LILRB4: variants seen among roughly 807,000 people sequenced by gnomAD.
LILRB4 encodes the protein leukocyte immunoglobulin-like receptor subfamily B member 4.
Under a neutral mutation model 55.2 loss-of-function variants are expected in LILRB4, and 49 were observed. The ratio of observed to expected loss-of-function variants is 0.89; its 90% confidence interval spans 0.71 to 1.13. The LOEUF is 1.13. Among genes scored for constraint, LILRB4 ranks in the 50% most tolerant of loss-of-function variants. The pLI, the probability that LILRB4 is intolerant of heterozygous loss-of-function variation, is 0.00. For missense variants in LILRB4, 590 were observed against 555.2 expected, an observed-to-expected ratio of 1.06 and a Z score of -0.63; for synonymous variants, 229 against 213.8, an observed-to-expected ratio of 1.07 and a Z score of -0.62.
At chr19:54,663,228 C>T (rs540036931) in intron 1 of LILRB4, among the ~76,000 whole-genome samples, 161 bp downstream of exon 1, 1 of 151,836 alleles carries the variant, frequency 6.6e-6, no homozygotes, top group Non-Finnish European at 1.5e-5. Context: ...GGGCGGATCA[C>T]GAGGTCAGGA....
At position 54,666,399 on chromosome 19, in the gene LILRB4, G is replaced by A. The variant is rs528290465; in HGVS notation, c.951G>A (p.Arg317=). The change falls in exon 9 of 12, where the codon AGG becomes AGA. Residue 317 remains arginine, a splice_region_variant and synonymous_variant. Coordinates refer to ENST00000430952, the Ensembl canonical transcript of LILRB4. The surrounding 1 kb of genome is among the most constrained non-coding windows in gnomAD (Gnocchi z 4.8). ...CTTACACTCCCGTATCCTCCCCCAG[G>A]TCCAGCCCAGCTGCTGACGTCCAGG... 6.2e-7 allele frequency: 1 copy of A among 1,614,080 alleles called. No individual in the cohort carries two copies. The highest frequency in any genetic ancestry group is 2.2e-5 in the East Asian group (1 of 44,872).
chr19:54,668,071 G>T (rs188883305), exon 12 of LILRB4: 3 of 1,606,624 alleles, frequency 1.9e-6, no homozygotes, highest in Non-Finnish European at 2.6e-6. Context: ...ACCCCAGAAG[G>T]CATGGAAGCT....
At position 54,665,812 on chromosome 19, in the gene LILRB4, A is replaced by G; in HGVS notation, c.758-3A>G. The G allele has an allele frequency of 5.0e-6, 8 of 1,600,692 alleles. No individual in the cohort carries two copies. Among genetic ancestry groups the G allele is most frequent in the Non-Finnish European group, 6.8e-6 (8 of 1,173,996 alleles). On this transcript the variant is annotated splice_polypyrimidine_tract_variant and splice_region_variant and intron_variant, in intron 6 of 11. Coordinates refer to ENST00000430952, the Ensembl canonical transcript of LILRB4. This position sits in a 1 kb window ranked among gnomAD's most constrained non-coding sequence, Gnocchi z 5.5. ...CCCCATTCCTGATGTCATCACGCCC[A>G]AGGTCTGAGAAGGCACTGGGAGGTA...
At chr19:54,663,617 G>A (rs1263057728) in intron 2 of LILRB4, 50 bp downstream of exon 2, 9 of 1,612,766 alleles carry the variant, frequency 5.6e-6, no homozygotes, top group Non-Finnish European at 7.6e-6. Flanking sequence ...CTGGGACAAG[G>A]GGCCACCCAT....
Position 54,666,896 on chromosome 19 carries a change from A to G in LILRB4, c.1041+147A>G, listed in dbSNP as rs987159335. 3.5e-6 allele frequency: 3 copies of G among 854,076 alleles called. No individual in the cohort carries two copies. Among genetic ancestry groups the G allele is most frequent in the Non-Finnish European group, 6.1e-6 (3 of 489,978 alleles). 52.9% of individuals were successfully genotyped at this position (854,076 alleles called of 1,614,324 possible). A position where few individuals can be genotyped will look rare whatever the true frequency, so the allele number is the denominator to read the frequency against. ...AGCACGCTGCCTCCTGCCTGCTGGG[A>G]CCTCACTCTCTCCTGCTGTCCTGGG... is the stretch of plus-strand genomic sequence containing the variant. On this transcript the variant is annotated intron_variant, in intron 10 of 11. Transcript: ENST00000430952. This position sits in a 1 kb window ranked among gnomAD's most constrained non-coding sequence, Gnocchi z 4.8.
rs370025145 is a variant in LILRB4, at chr19:54,665,938, A to T, written c.874+7A>T. ...GGAAAACACAGGACATTGGGTAAGT[A>T]GGAAATTGGGGGACCCGTGGGCTGA... is the stretch of plus-strand genomic sequence containing the variant. On this transcript the variant is annotated splice_region_variant and intron_variant, in intron 7 of 11. Transcript: ENST00000430952. This position sits in a 1 kb window ranked among gnomAD's most constrained non-coding sequence, Gnocchi z 5.5. 6.2e-6 allele frequency: 10 copies of T among 1,613,830 alleles called. No individual in the cohort carries two copies. The highest frequency in any genetic ancestry group is 1.3e-5 in the African/African-American group (1 of 74,840).
At chr19:54,664,953 G>T in intron 5 of LILRB4, 104 bp downstream of exon 5, 1 of 1,384,830 alleles carries the variant, frequency 7.2e-7, no homozygotes, top group African/African-American at 1.4e-5. Context: ...AGCTGGGCTT[G>T]CTTCCACGGG....
chr19:54,664,122 C>G, intron 3 of LILRB4, 64 bp from the exon 4 acceptor site: 1 of 1,595,254 alleles, frequency 6.3e-7, no homozygotes, highest in Middle Eastern at 1.7e-4. Flanking sequence ...CTCTCACAGC[C>G]CAGCCCTGGG....
chr19:54,666,579 A>T lies in LILRB4; in HGVS notation c.989-118A>T. The stretch of plus-strand genomic sequence containing the variant: ...GAACCCACATTGTGGGACCTCGGGG[A>T]CATCACAGCCCCTCCCTGCGTTGCA... On this transcript the variant is annotated intron_variant, in intron 9 of 11. Coordinates refer to ENST00000430952, the Ensembl canonical transcript of LILRB4. This position sits in a 1 kb window ranked among gnomAD's most constrained non-coding sequence, Gnocchi z 4.8. 1 of 1,417,692 alleles carries T rather than the reference A, an allele frequency of 7.1e-7. No homozygotes were observed. Among genetic ancestry groups the T allele is most frequent in the Non-Finnish European group, 9.8e-7 (1 of 1,015,664 alleles). The allele number at this position is 1,417,692 out of a possible 1,614,324, so 87.8% of individuals were successfully genotyped here.
rs1171363900 is a variant in LILRB4 at position 54,665,957 on chromosome 19, G to T, written c.874+26G>T. On this transcript the variant is annotated intron_variant, in intron 7 of 11. Transcript: ENST00000430952. This position sits in a 1 kb window ranked among gnomAD's most constrained non-coding sequence, Gnocchi z 5.5. ...GTAAGTAGGAAATTGGGGGACCCGT[G>T]GGCTGATGGAGGGTGGGCTCAGGGC... 5.6e-6 allele frequency: 9 copies of T among 1,613,602 alleles called. No homozygotes were observed. Among genetic ancestry groups the T allele is most frequent in the Non-Finnish European group, 7.6e-6 (9 of 1,179,858 alleles).
In LILRB4 at chr19:54,668,074, T is replaced by C; in HGVS notation, c.*55T>C. 2.5e-6 allele frequency: 4 copies of C among 1,603,916 alleles called. No homozygotes were observed. In the South Asian group the frequency reaches 4.4e-5, roughly 18 times the overall value. ...TGGAGACTCAGGACCCCAGAAGGCA[T>C]GGAAGCTGCCTCCAGTAGACATCAC... On this transcript the variant is annotated 3_prime_UTR_variant, in exon 12 of 12. Transcript: ENST00000430952.
At chr19:54,663,967 G>C in exon 3 of LILRB4, 1 of 1,614,086 alleles carries the variant, frequency 6.2e-7, no homozygotes, top group Non-Finnish European at 8.5e-7. Context: ...TATGCAGGGA[G>C]ATACCGCTGT....
Position 54,668,141 on chromosome 19 carries a change from A to G in LILRB4, c.*122A>G, listed in dbSNP as rs543144415. The G allele has an allele frequency of 1.1e-4, 124 of 1,141,266 alleles. 2 individuals are homozygous for G. The South Asian group carries it at 1.7e-3, about 15-fold the overall frequency. The allele number at this position is 1,141,266 out of a possible 1,614,324, so 70.7% of individuals were successfully genotyped here. A position where few individuals can be genotyped will look rare whatever the true frequency, so the allele number is the denominator to read the frequency against. ...CAGACCCCTGACACAGACCACTAGA[A>G]GATTCCGGGAACGTTGGGAGTCACC... On this transcript the variant is annotated 3_prime_UTR_variant, in exon 12 of 12. Transcript: ENST00000430952.
At chr19:54,664,188 G>T (rs766230890) in exon 4 of LILRB4, 2 of 1,612,234 alleles carry the variant, frequency 1.2e-6, no homozygotes, top group Admixed American at 1.7e-5. Flanking sequence ...TCTCCTAGGA[G>T]CCTACAGTAA....
chr19:54,663,963 G>T, exon 3 of LILRB4: 1 of 1,614,136 alleles, frequency 6.2e-7, no homozygotes, highest in Non-Finnish European at 8.5e-7. Context: ...GGACTATGCA[G>T]GGAGATACCG....
chr19:54,665,110 A>T lies in LILRB4; in HGVS notation c.707-20A>T. 1 of 1,610,604 alleles carries T rather than the reference A, an allele frequency of 6.2e-7. No homozygotes were observed. Among genetic ancestry groups the T allele is most frequent in the Non-Finnish European group, 8.5e-7 (1 of 1,178,292 alleles). On this transcript the variant is annotated intron_variant, in intron 5 of 11. Coordinates refer to ENST00000430952, the Ensembl canonical transcript of LILRB4. This position sits in a 1 kb window ranked among gnomAD's most constrained non-coding sequence, Gnocchi z 5.5. Reference sequence around the variant, plus strand: ...GGGGAGCAGGGCAGCCCCAGCCCTCACATCCCTGTTCTAACCCAGCAGGCC... The same window carrying T: ...GGGGAGCAGGGCAGCCCCAGCCCTCTCATCCCTGTTCTAACCCAGCAGGCC...
chr19:54,668,015 A>G, exon 12 of LILRB4: 1 of 1,614,098 alleles, frequency 6.2e-7, no homozygotes, highest in South Asian at 1.1e-5. Flanking sequence ...CTGGCCATCC[A>G]CTAATCCAGG....
At chr19:54,664,883 C>T in intron 5 of LILRB4, 34 bp downstream of exon 5, 1 of 1,595,602 alleles carries the variant, frequency 6.3e-7, no homozygotes. Flanking sequence ...AGAGAGTTTC[C>T]AAAGCCCGAG....
chr19:54,666,954 G>C lies in LILRB4; in HGVS notation c.1041+205G>C. 1 of 724,086 alleles carries C rather than the reference G, an allele frequency of 1.4e-6. No homozygotes were observed. The highest frequency in any genetic ancestry group is 2.6e-6 in the Non-Finnish European group (1 of 390,698). 44.9% of individuals were successfully genotyped at this position (724,086 alleles called of 1,614,324 possible). ...GGGCCTCCTCCCGGGTCCCCTTCCTGCTCCTCATCCTCTGTTTGGCCATCT... is the reference window on the plus strand; with the variant it reads ...GGGCCTCCTCCCGGGTCCCCTTCCTCCTCCTCATCCTCTGTTTGGCCATCT... On this transcript the variant is annotated intron_variant, in intron 10 of 11. Coordinates refer to ENST00000430952, the Ensembl canonical transcript of LILRB4. The surrounding 1 kb of genome is among the most constrained non-coding windows in gnomAD (Gnocchi z 4.8).
Sources: gnomAD v4.1 joint callset for allele counts (sites outside exome capture counted in the v4.1 genomes callset) on GRCh38, gnomAD v4.1.1 for gene constraint, Gnocchi (gnomAD v3.1) non-coding constraint, MANE v1.5 for transcripts, NCBI Gene and HGNC (gene_info 2026-07-23, HGNC 2026-07-21) for gene names.